CORO1C: variants seen among roughly 807,000 people sequenced by gnomAD.
CORO1C encodes the protein coronin 1C.
A neutral mutation model predicts 51.2 loss-of-function variants in CORO1C; 14 were observed. That is an observed-to-expected ratio of 0.27 (90% confidence interval 0.18 to 0.43). CORO1C has a LOEUF of 0.43. Among genes scored for constraint, CORO1C ranks in the 20% least tolerant of loss-of-function variants. CORO1C has a pLI of 1.00. For synonymous variants in CORO1C, 181 were observed against 210.5 expected (o/e 0.86, Z 1.21); for missense variants, 417 against 607.8 (o/e 0.69, Z 3.30).
At chr12:108,725,074 CAG>C (rs1372838597) in intron 1 of CORO1C, among the ~76,000 whole-genome samples, 2 of 152,206 alleles carry the variant, frequency 1.3e-5, no homozygotes, top group African/African-American at 4.8e-5. Flanking sequence ...GACACACAGA[CAG>C]AGAGACTGAA....
At chr12:108,723,174 T>C (rs2136888957) in intron 1 of CORO1C, among the ~76,000 whole-genome samples, 1 of 152,342 alleles carries the variant, frequency 6.6e-6, no homozygotes, top group East Asian at 1.9e-4. Flanking sequence ...GCTTCCAAAG[T>C]GACTAGTTTC....
At chr12:108,695,863 A>C (rs933485008) in intron 2 of CORO1C, among the ~76,000 whole-genome samples, 39 of 151,724 alleles carry the variant, frequency 2.6e-4, no homozygotes, top group African/African-American at 8.9e-4. Flanking sequence ...AAAAAAAAAA[A>C]AAAAAAAAAA....
chr12:108,648,743 G>A lies in CORO1C; in HGVS notation c.1167C>T (p.Ser389=). 1 of 1,614,172 alleles carries A rather than the reference G, an allele frequency of 6.2e-7. No homozygotes were observed. Among genetic ancestry groups the A allele is most frequent in the Non-Finnish European group, 8.5e-7 (1 of 1,180,042 alleles). Residue 389 remains serine (S), a synonymous_variant, in exon 10 of 11, where the codon TCC becomes TCT. Coordinates refer to ENST00000261401, the MANE Select transcript of CORO1C (RefSeq NM_014325.4). ...TGCCTGGAATGTACCCGTGCTTCAAGGAGATGAGGATTGGGTCTGCATTCT... is the reference window on the plus strand; with the variant it reads ...TGCCTGGAATGTACCCGTGCTTCAAAGAGATGAGGATTGGGTCTGCATTCT... ...EGKNADPILI[S]LKHGYIPGKN... is the part of the protein sequence containing the mutation.
rs575485870 is a variant in CORO1C at position 108,680,597 on chromosome 12, T to C, written c.196-2203A>G. Among the ~76,000 whole-genome samples the C allele has an allele frequency of 3.3e-5, 5 of 152,320 alleles. No individual in the cohort carries two copies. In the South Asian group the frequency reaches 1.0e-3, roughly 32 times the overall value. On this transcript the variant is annotated intron_variant, in intron 2 of 10. Coordinates refer to ENST00000261401, the MANE Select transcript of CORO1C (RefSeq NM_014325.4). ...TACTCCATCCCTCAACCTCGGTTCC[T>C]CATCTATAAAACTAGAATGTTTAAC...
intron 1 of CORO1C, among the ~76,000 whole-genome samples, chr12:108,714,910 A>G (rs762542363): frequency 3.3e-5 from 5 of 152,202 alleles, no homozygotes; most frequent in Non-Finnish European, 7.3e-5. Context: ...GGACCACCTA[A>G]AGTCAAACCT....
chr12:108,690,738 T>C (rs528876350), intron 2 of CORO1C, among the ~76,000 whole-genome samples: 121 of 152,352 alleles, frequency 7.9e-4, no homozygotes, highest in African/African-American at 2.8e-3. Context: ...ATATGATGCT[T>C]CTGGGCTGAG....
Position 108,648,699 on chromosome 12 carries a change from A to T in CORO1C, c.1211T>A (p.Val404Glu). The change falls in exon 10 of 11, where the codon GTG (valine) becomes GAG (glutamate). Residue 404 changes from valine (V) to glutamate (E), a missense_variant. Val to Glu is a moderately radical substitution (Grantham distance 121, BLOSUM62 -2). Coordinates refer to ENST00000261401, the MANE Select transcript of CORO1C (RefSeq NM_014325.4). ...GCTATCCAGAATGTTCTTCTTGACCACCTTGAGATCCCTGTTTTTGCCTGG... is the reference window on the plus strand; with the variant it reads ...GCTATCCAGAATGTTCTTCTTGACCTCCTTGAGATCCCTGTTTTTGCCTGG... Reference protein sequence around the residue: ...YIPGKNRDLKVVKKNILDSKP... With the variant: ...YIPGKNRDLKEVKKNILDSKP... The T allele has an allele frequency of 1.2e-6, 2 of 1,614,040 alleles. No homozygotes were observed. The highest frequency in any genetic ancestry group is 2.2e-5 in the South Asian group (2 of 91,080).
chr12:108,705,859 GA>G (rs201586994), intron 1 of CORO1C, among the ~76,000 whole-genome samples: 9 of 151,362 alleles, frequency 5.9e-5, no homozygotes, highest in Admixed American at 2.6e-4. Context: ...ATCAATAGAA[GA>G]AAAAAAAATC....
intron 1 of CORO1C, among the ~76,000 whole-genome samples, chr12:108,720,859 ATCTTTATTCCTT>A (rs1045957397): frequency 1.3e-5 from 2 of 152,168 alleles, no homozygotes; most frequent in Admixed American, 1.3e-4. Flanking sequence ...CATAGAAAAC[ATCTTTATTCCTT>A]TCATCTTCTA....
At position 108,692,335 on chromosome 12, in the gene CORO1C, A is replaced by G. The variant is rs373787461; in HGVS notation, c.195+8789T>C. Reference sequence around the variant, plus strand: ...CTCTGCCCCTAACACCAAAGCTACCAAGTGCCAAATGTCCACATCTGTACA... The same window carrying G: ...CTCTGCCCCTAACACCAAAGCTACCGAGTGCCAAATGTCCACATCTGTACA... On this transcript the variant is annotated intron_variant, in intron 2 of 10. Coordinates refer to ENST00000261401, the MANE Select transcript of CORO1C (RefSeq NM_014325.4). 3.9e-5 allele frequency among the ~76,000 whole-genome samples: 6 copies of G among 152,338 alleles called. No homozygotes were observed. In the East Asian group the frequency reaches 7.7e-4, roughly 20 times the overall value.
intron 1 of CORO1C, among the ~76,000 whole-genome samples, chr12:108,729,706 T>C (rs1203573666): frequency 6.6e-6 from 1 of 152,182 alleles, no homozygotes; most frequent in Non-Finnish European, 1.5e-5. Flanking sequence ...CCAAAAATAC[T>C]AGTTTCCTTA....
Position 108,692,800 on chromosome 12 carries a change from T to TC in CORO1C, c.195+8323_195+8324insG, listed in dbSNP as rs1227905634. Among the ~76,000 whole-genome samples the TC allele has an allele frequency of 4.7e-5, 7 of 147,856 alleles. No homozygotes were observed. In the East Asian group the frequency reaches 1.4e-3, roughly 29 times the overall value. On this transcript the variant is annotated intron_variant, in intron 2 of 10. Coordinates refer to ENST00000261401, the MANE Select transcript of CORO1C (RefSeq NM_014325.4). Reference sequence around the variant, plus strand: ...AGTGTCCATTAGACCACAGCTTTTTTTTTTTTTTTTTTTTTGAGACAGAGT... The same window carrying TC: ...AGTGTCCATTAGACCACAGCTTTTTTCTTTTTTTTTTTTTTTGAGACAGAGT...
intron 1 of CORO1C, among the ~76,000 whole-genome samples, chr12:108,718,526 A>C (rs1164045037): frequency 6.6e-6 from 1 of 152,188 alleles, no homozygotes; most frequent in Non-Finnish European, 1.5e-5. Context: ...TGGGCAACAG[A>C]GCAAGACTCC....
chr12:108,709,090 G>T (rs1016596186), intron 1 of CORO1C, among the ~76,000 whole-genome samples: 1 of 151,992 alleles, frequency 6.6e-6, no homozygotes, highest in African/African-American at 2.4e-5. Flanking sequence ...TTCTAAAATT[G>T]ACTGTGTTGA....
chr12:108,663,216 G>A (rs1255950629), intron 3 of CORO1C, among the ~76,000 whole-genome samples: 7 of 152,232 alleles, frequency 4.6e-5, no homozygotes, highest in Admixed American at 4.6e-4. Flanking sequence ...CATGGCTGGT[G>A]AAAATGTAAA....
At chr12:108,707,133 T>C (rs1052875099) in intron 1 of CORO1C, among the ~76,000 whole-genome samples, 3 of 152,186 alleles carry the variant, frequency 2.0e-5, no homozygotes, top group Admixed American at 6.5e-5. Flanking sequence ...ATAGATTTAA[T>C]GCAATCCCTA....
At chr12:108,664,371 A>G (rs1385624843) in intron 3 of CORO1C, among the ~76,000 whole-genome samples, 1 of 152,248 alleles carries the variant, frequency 6.6e-6, no homozygotes, top group Non-Finnish European at 1.5e-5. Context: ...TTTAGGGTTC[A>G]GCTCAGTTCT....
chr12:108,702,838 G>T, intron 1 of CORO1C: 1 of 1,535,256 alleles, frequency 6.5e-7, no homozygotes, highest in Non-Finnish European at 8.7e-7. Flanking sequence ...CCAATGCTGG[G>T]GGCATGTAGC....
intron 1 of CORO1C, among the ~76,000 whole-genome samples, chr12:108,727,048 C>G (rs1565942784): frequency 6.6e-6 from 1 of 152,246 alleles, no homozygotes; most frequent in Non-Finnish European, 1.5e-5. Context: ...CCACTGACCT[C>G]AGGATCTTTC....
Sources: gnomAD v4.1 joint callset for allele counts (sites outside exome capture counted in the v4.1 genomes callset) on GRCh38, gnomAD v4.1.1 for gene constraint, MANE v1.5 for transcripts, NCBI Gene and HGNC (gene_info 2026-07-23, HGNC 2026-07-21) for gene names.